NDST4: variants seen among roughly 807,000 people sequenced by gnomAD.
NDST4 encodes the protein N-deacetylase and N-sulfotransferase 4, also known as N-heparan sulfate sulfotransferase 4.
In NDST4, 63 loss-of-function variants were observed where a neutral mutation model predicts 100.8. That is an observed-to-expected ratio of 0.62 (90% confidence interval 0.51 to 0.77). The LOEUF (loss-of-function observed/expected upper bound fraction) is 0.77. NDST4 is among the 30% of genes least tolerant of loss of function. NDST4 has a pLI of 0.00. For missense variants in NDST4, 943 were observed against 1,018.4 expected, an observed-to-expected ratio of 0.93 and a Z score of 1.01; for synonymous variants, 377 against 361.8, an observed-to-expected ratio of 1.04 and a Z score of -0.48.
At chr4:114,945,682 T>G (rs1725847002) in intron 4 of NDST4, among the ~76,000 whole-genome samples, 1 of 152,178 alleles carries the variant, frequency 6.6e-6, no homozygotes, top group Non-Finnish European at 1.5e-5. Context: ...AATGCACAAC[T>G]TCTAGGGAGT....
intron 6 of NDST4, among the ~76,000 whole-genome samples, chr4:114,906,120 T>A (rs1490494555): frequency 6.6e-6 from 1 of 151,956 alleles, no homozygotes. Context: ...TAATTAACTA[T>A]AAAATACGAA....
At chr4:115,078,959 G>A (rs112489675) in intron 1 of NDST4, among the ~76,000 whole-genome samples, 6 of 152,152 alleles carry the variant, frequency 3.9e-5, no homozygotes, top group South Asian at 2.1e-4. Flanking sequence ...AAGCAGAACT[G>A]TGAGGCAATT....
chr4:114,848,922 A>T (rs1046338926), intron 8 of NDST4, among the ~76,000 whole-genome samples: 1 of 152,222 alleles, frequency 6.6e-6, no homozygotes, highest in Non-Finnish European at 1.5e-5. Flanking sequence ...TAATGAGAGA[A>T]GACCAGAGCA....
chr4:114,926,037 T>C (rs1578392697), intron 6 of NDST4, among the ~76,000 whole-genome samples: 6 of 152,194 alleles, frequency 3.9e-5, no homozygotes, highest in Admixed American at 3.9e-4. Context: ...CTACCTGGTG[T>C]AAGCTGTTTC....
chr4:114,893,315 G>T (rs183289039), intron 6 of NDST4, among the ~76,000 whole-genome samples: 1 of 152,062 alleles, frequency 6.6e-6, no homozygotes, highest in Non-Finnish European at 1.5e-5. Context: ...TTGAGGAATC[G>T]CCATACTGTC....
chr4:114,957,685 G>A (rs928983904), intron 4 of NDST4, among the ~76,000 whole-genome samples: 10 of 152,048 alleles, frequency 6.6e-5, no homozygotes, highest in Non-Finnish European at 1.2e-4. Flanking sequence ...CATCTATGAC[G>A]GTAAAATCAA....
At chr4:114,834,766 A>G (rs1218877652) in intron 11 of NDST4, among the ~76,000 whole-genome samples, 1 of 152,114 alleles carries the variant, frequency 6.6e-6, no homozygotes, top group African/African-American at 2.4e-5. Context: ...GTAGGCTATT[A>G]ATTACTGCCT....
intron 2 of NDST4, among the ~76,000 whole-genome samples, chr4:115,030,708 G>C (rs894343596): frequency 6.6e-6 from 1 of 151,994 alleles, no homozygotes; most frequent in African/African-American, 2.4e-5. Context: ...AAGAGAGATA[G>C]GAAAAACAAA....
intron 3 of NDST4, 81 bp from the exon 4 acceptor site, chr4:114,970,665 T>C (rs1726492795): frequency 1.6e-6 from 2 of 1,212,186 alleles, no homozygotes; most frequent in Non-Finnish European, 2.3e-6. Flanking sequence ...TTTATGTTAA[T>C]TTTTCATGCT....
intron 6 of NDST4, among the ~76,000 whole-genome samples, chr4:114,914,254 A>G (rs1470807768): frequency 1.3e-5 from 2 of 152,006 alleles, no homozygotes; most frequent in African/African-American, 4.8e-5. Context: ...AATAAATAAG[A>G]CCTACTGTGT....
At chr4:115,045,914 AG>A (rs1470991895) in intron 2 of NDST4, among the ~76,000 whole-genome samples, 1 of 152,150 alleles carries the variant, frequency 6.6e-6, no homozygotes, top group African/African-American at 2.4e-5. Flanking sequence ...GCAAAGGATT[AG>A]GGTTATGAAT....
chr4:115,017,233 G>T (rs1727698135), intron 2 of NDST4, among the ~76,000 whole-genome samples: 1 of 151,998 alleles, frequency 6.6e-6, no homozygotes, highest in Non-Finnish European at 1.5e-5. Flanking sequence ...AAAGCAAATT[G>T]ACTTTTTAGA....
In NDST4 at chr4:114,870,851, G is replaced by C. The variant is rs143400616; in HGVS notation, c.1636C>G (p.Leu546Val). The change falls in exon 7 of 14, where the codon CTG becomes GTG. Residue 546 changes from leucine to valine, a missense_variant. Leu to Val is a conservative substitution (Grantham distance 32). This residue lies in a region of NDST4 where 526 missense variants were observed against 634.1 expected (regional missense o/e 0.83). Transcript: ENST00000264363. ...LVNFVQSWTNLKLQTLPPVQL... is the reference protein window; with the variant it reads ...LVNFVQSWTNVKLQTLPPVQL... ...ACTGGAGGCAGAGTTTGCAATTTCA[G>C]GTTGGTCCAGCTCTGCACAAAGTTG... 4.3e-6 allele frequency: 7 copies of C among 1,613,058 alleles called. No individual in the cohort carries two copies. The highest frequency in any genetic ancestry group is 5.1e-6 in the Non-Finnish European group (6 of 1,179,346).
At chr4:115,022,989 G>A (rs1000042666) in intron 2 of NDST4, among the ~76,000 whole-genome samples, 1 of 152,022 alleles carries the variant, frequency 6.6e-6, no homozygotes, top group Admixed American at 6.6e-5. Context: ...AAAACAGACT[G>A]ATACGCCAAA....
intron 2 of NDST4, among the ~76,000 whole-genome samples, chr4:115,000,627 T>C (rs1041275449): frequency 6.6e-6 from 1 of 152,152 alleles, no homozygotes. Flanking sequence ...CCATAATCCT[T>C]GATATGACAC....
At chr4:114,859,093 T>C (rs1319901692) in intron 7 of NDST4, among the ~76,000 whole-genome samples, 3 of 152,202 alleles carry the variant, frequency 2.0e-5, no homozygotes, top group Non-Finnish European at 4.4e-5. Flanking sequence ...CACTGCCTGA[T>C]AAGTGCTAGA....
At chr4:115,091,244 A>T (rs976946828) in intron 1 of NDST4, among the ~76,000 whole-genome samples, 1 of 152,096 alleles carries the variant, frequency 6.6e-6, no homozygotes, top group Non-Finnish European at 1.5e-5. Flanking sequence ...TTGGCAAAAT[A>T]AATTTGCTTT....
rs142856871 is a variant in NDST4 at position 114,939,484 on chromosome 4, C to A, written c.1222-1981G>T. On this transcript the variant is annotated intron_variant, in intron 4 of 13. Transcript: ENST00000264363. ...AGTCTTAACTAATCACTTTGTTAGTCCTCATTCTCTATAACTGTATAAATT... is the reference window on the plus strand; with the variant it reads ...AGTCTTAACTAATCACTTTGTTAGTACTCATTCTCTATAACTGTATAAATT... Among the ~76,000 whole-genome samples the A allele has an allele frequency of 3.5e-3, 539 of 152,114 alleles. 4 individuals carry two copies. Among genetic ancestry groups the A allele is most frequent in the African/African-American group, 0.012 (491 of 41,494 alleles).
intron 2 of NDST4, among the ~76,000 whole-genome samples, chr4:115,018,540 A>C (rs1727739476): frequency 6.6e-6 from 1 of 152,090 alleles, no homozygotes; most frequent in African/African-American, 2.4e-5. Flanking sequence ...CAATTAAGTT[A>C]TACAGAGTGC....
Sources: allele counts gnomAD v4.1 joint callset (sites outside exome capture counted in the v4.1 genomes callset), GRCh38; gene constraint gnomAD v4.1.1; regional missense constraint gnomAD v4.1.1; transcripts MANE v1.5; gene names NCBI Gene and HGNC (gene_info 2026-07-23, HGNC 2026-07-21).